COG6: variants seen among roughly 807,000 people sequenced by gnomAD.
COG6 encodes conserved oligomeric Golgi complex subunit 6.
A neutral mutation model predicts 88.8 loss-of-function variants in COG6; 74 were observed. The ratio of observed to expected loss-of-function variants is 0.83; its 90% CI spans 0.69 to 1.01. The LOEUF (loss-of-function observed/expected upper bound fraction) is 1.01. COG6 is among the 50% of genes least tolerant of loss of function. The pLI is 0.00. For synonymous variants in COG6, 286 were observed against 278.7 expected, an observed-to-expected ratio of 1.03 and a Z score of -0.26; for missense variants, 800 against 797.9, an observed-to-expected ratio of 1.00 and a Z score of -0.03.
At chr13:39,663,646 C>G (rs141742136) in intron 3 of COG6, among the ~76,000 whole-genome samples, 19 of 152,252 alleles carry the variant, frequency 1.2e-4, no homozygotes, top group Admixed American at 2.6e-4. Context: ...CACCTGTAAT[C>G]TCAGCATTTT....
chr13:39,768,213 T>A (rs1392407560), intron 18 of COG6, among the ~76,000 whole-genome samples: 1 of 152,256 alleles, frequency 6.6e-6, no homozygotes, highest in Non-Finnish European at 1.5e-5. Flanking sequence ...TGTGCAATTA[T>A]GCACTCTTTT....
chr13:39,760,796 A>T (rs749051537), intron 18 of COG6, among the ~76,000 whole-genome samples: 1 of 152,024 alleles, frequency 6.6e-6, no homozygotes, highest in Non-Finnish European at 1.5e-5. Flanking sequence ...GGCTAGTACC[A>T]TCTCTGTCAT....
chr13:39,721,821 A>G (rs1045373784), intron 15 of COG6, among the ~76,000 whole-genome samples: 2 of 152,090 alleles, frequency 1.3e-5, no homozygotes, highest in African/African-American at 4.8e-5. Context: ...CAGGCTAGTC[A>G]GATTCTCTTG....
downstream of COG6, among the ~76,000 whole-genome samples, chr13:39,754,731 G>A (rs78591696): frequency 0.028 from 4,203 of 152,192 alleles, 91 homozygotes; most frequent in Middle Eastern, 0.068. Flanking sequence ...TTTGTGATAA[G>A]CATTTAAAAA....
intron 15 of COG6, among the ~76,000 whole-genome samples, chr13:39,722,056 C>T (rs1878877675): frequency 6.6e-6 from 1 of 151,752 alleles, no homozygotes. Flanking sequence ...ATTTTGAAGC[C>T]CCTGTCCTTG....
chr13:39,685,925 C>T (rs1297306945), intron 8 of COG6, among the ~76,000 whole-genome samples: 1 of 152,098 alleles, frequency 6.6e-6, no homozygotes, highest in Non-Finnish European at 1.5e-5. Context: ...GGAAGACAAA[C>T]CCACAAAGAA....
intron 17 of COG6, among the ~76,000 whole-genome samples, chr13:39,724,864 T>C (rs754875212): frequency 1.3e-5 from 2 of 151,970 alleles, no homozygotes; most frequent in African/African-American, 2.4e-5. Context: ...ATGACAGATA[T>C]GAAGAAATTA....
At chr13:39,687,437 G>T in intron 8 of COG6, 66 bp from the exon 9 acceptor site, 1 of 1,426,984 alleles carries the variant, frequency 7.0e-7, no homozygotes. Context: ...CAGAAATTGC[G>T]TGAATAGTCT....
chr13:39,746,072 G>C (rs1880333753), intron 18 of COG6, among the ~76,000 whole-genome samples: 1 of 151,984 alleles, frequency 6.6e-6, no homozygotes, highest in African/African-American at 2.4e-5. Flanking sequence ...ATCACACCCT[G>C]GGGCCTGTCA....
chr13:39,684,472 G>A lies in COG6; in HGVS notation c.788+2208G>A, dbSNP rs1030464971. ...TCACCGTGTTAGCCAGGATGGTCTCGATCTCCTGACCTCGTGATCCACCCG... is the reference window on the plus strand; with the variant it reads ...TCACCGTGTTAGCCAGGATGGTCTCAATCTCCTGACCTCGTGATCCACCCG... On this transcript the variant is annotated intron_variant, in intron 8 of 18. Coordinates refer to ENST00000455146, the MANE Select transcript of COG6 (RefSeq NM_020751.3). Among the ~76,000 whole-genome samples the A allele has an allele frequency of 8.6e-5, 13 of 151,588 alleles. 1 individual carries two copies. The highest frequency in any genetic ancestry group is 2.1e-4 in the South Asian group (1 of 4,794).
At chr13:39,691,374 A>G (rs145576419) in intron 11 of COG6, among the ~76,000 whole-genome samples, 43 of 152,058 alleles carry the variant, frequency 2.8e-4, no homozygotes, top group Admixed American at 9.2e-4. Flanking sequence ...AAAGATCTTT[A>G]TGGCAATTGT....
chr13:39,692,507 C>T (rs1877038340), intron 11 of COG6, among the ~76,000 whole-genome samples: 1 of 151,980 alleles, frequency 6.6e-6, no homozygotes, highest in Non-Finnish European at 1.5e-5. Context: ...TCATTGGACC[C>T]TCAGATTGAG....
intron 18 of COG6, among the ~76,000 whole-genome samples, chr13:39,748,006 T>C (rs1880430641): frequency 6.6e-6 from 1 of 152,212 alleles, no homozygotes; most frequent in African/African-American, 2.4e-5. Context: ...TATTTTTGTG[T>C]ACTCCTTATA....
At chr13:39,657,101 G>A (rs1201979150) in intron 1 of COG6, among the ~76,000 whole-genome samples, 3 of 152,024 alleles carry the variant, frequency 2.0e-5, no homozygotes, top group Admixed American at 6.5e-5. Flanking sequence ...GCGCAGTCTC[G>A]GCTCACTGCA....
chr13:39,725,163 T>C (rs1879066722), intron 17 of COG6, among the ~76,000 whole-genome samples: 1 of 151,932 alleles, frequency 6.6e-6, no homozygotes, highest in East Asian at 1.9e-4. Context: ...TTAAGTCATA[T>C]AGCTCTATCC....
Position 39,719,371 on chromosome 13 carries a change from T to A in COG6, c.1416+4T>A, listed in dbSNP as rs200219099. On this transcript the variant is annotated splice_donor_region_variant and intron_variant, in intron 14 of 18. Coordinates refer to ENST00000455146, the MANE Select transcript of COG6 (RefSeq NM_020751.3). ...TCGTCAAGCTGATTTTGTGCAGGTA[T>A]GTTATAAATTCATTTTTAATGATTG... The A allele has an allele frequency of 6.1e-5, 99 of 1,611,602 alleles. No individual in the cohort carries two copies. The highest frequency in any genetic ancestry group is 8.3e-5 in the Non-Finnish European group (98 of 1,178,518).
chr13:39,698,230 T>A (rs1173243267), intron 12 of COG6, among the ~76,000 whole-genome samples: 1 of 152,046 alleles, frequency 6.6e-6, no homozygotes, highest in Non-Finnish European at 1.5e-5. Context: ...AAATTTTTCA[T>A]TAAATTGTTT....
chr13:39,769,515 A>G (rs949558614), intron 18 of COG6, among the ~76,000 whole-genome samples: 1 of 152,234 alleles, frequency 6.6e-6, no homozygotes, highest in African/African-American at 2.4e-5. Flanking sequence ...GTATAGGTTT[A>G]TTGTGAGAAC....
intron 11 of COG6, among the ~76,000 whole-genome samples, chr13:39,693,484 A>C (rs749262214): frequency 4.6e-5 from 7 of 152,004 alleles, no homozygotes; most frequent in Non-Finnish European, 7.4e-5. Flanking sequence ...TGTAATAATT[A>C]TATTAAAATT....
Sources: gnomAD v4.1 joint callset for allele counts (sites outside exome capture counted in the v4.1 genomes callset) on GRCh38, gnomAD v4.1.1 for gene constraint, MANE v1.5 for transcripts, NCBI Gene and HGNC (gene_info 2026-07-23, HGNC 2026-07-21) for gene names.